The following DLEC1 variants were observed in gnomAD, a reference collection of about 807,000 sequenced individuals.
The protein encoded by DLEC1 is deleted in lung and esophageal cancer protein 1.
In DLEC1, 146 loss-of-function variants were observed where a neutral mutation model predicts 198.1. That is an observed-to-expected ratio of 0.74 (90% CI 0.64 to 0.85). DLEC1 has a LOEUF of 0.85. DLEC1 is among the 40% of genes least tolerant of loss of function. The probability of loss-of-function intolerance (pLI) is 0.00; values close to 1 mark genes in which losing one functional copy is unlikely to be tolerated. For missense variants in DLEC1, 2,233 were observed against 2,220.0 expected (o/e 1.01, Z -0.12); for synonymous variants, 897 against 866.8 (o/e 1.03, Z -0.61).
At position 38,122,820 on chromosome 3, in the gene DLEC1, T is replaced by C. The variant is rs1700560952; in HGVS notation, c.*408T>C. The C allele has an allele frequency of 1.3e-5, 11 of 878,150 alleles. No homozygotes were observed. Among genetic ancestry groups the C allele is most frequent in the South Asian group, 1.8e-5 (1 of 54,174 alleles). The allele number at this position is 878,150 out of a possible 1,614,324, so 54.4% of individuals were successfully genotyped here. A position where few individuals can be genotyped will look rare whatever the true frequency, so the allele number is the denominator to read the frequency against. On this transcript the variant is annotated 3_prime_UTR_variant, in exon 37 of 37. Transcript: ENST00000308059. ...TGGCCTGGGTGACCCAGGCTGCTTT[T>C]ATCTTGCACAGCTAAAGAGGGTCTG... is the stretch of plus-strand genomic sequence containing the variant.
intron 8 of DLEC1, 43 bp downstream of exon 8, chr3:38,085,490 G>A: frequency 2.5e-6 from 4 of 1,607,136 alleles, no homozygotes; most frequent in Non-Finnish European, 3.4e-6. Flanking sequence ...GTTAAGGTTG[G>A]AGAGTCCCCA....
intron 6 of DLEC1, among the ~76,000 whole-genome samples, chr3:38,083,820 G>C (rs777168831): frequency 6.6e-6 from 1 of 150,490 alleles, no homozygotes; most frequent in African/African-American, 2.5e-5. Context: ...TTGGTAGAGA[G>C]AGTCTCTTCA....
At chr3:38,085,475 A>G (rs1444434873) in intron 8 of DLEC1, 28 bp downstream of exon 8, 1 of 1,611,170 alleles carries the variant, frequency 6.2e-7, no homozygotes. Flanking sequence ...CTTCCCACAG[A>G]TTCAGTTAAG....
rs1699042391 is a variant in DLEC1, at chr3:38,096,724, A to C, written c.2327A>C (p.Lys776Thr). 1 of 1,609,778 alleles carries C rather than the reference A, an allele frequency of 6.2e-7. No individual in the cohort carries two copies. The highest frequency in any genetic ancestry group is 1.7e-5 in the Admixed American group (1 of 59,274). ...GAGAACTACATTGGGATAAATGTGA[A>C]GAAGGCTTTTAAGGTAGGTCATTGT... Reference protein sequence around the residue: ...PGENYIGINVKKAFKMWNNSK... With the variant: ...PGENYIGINVTKAFKMWNNSK... Residue 776 changes from lysine to threonine, a missense_variant, in exon 15 of 37, where the codon AAG (lysine) becomes ACG (threonine). Transcript: ENST00000308059.
intron 7 of DLEC1, 35 bp downstream of exon 7, chr3:38,084,280 TG>T: frequency 1.3e-6 from 2 of 1,574,140 alleles, no homozygotes; most frequent in Non-Finnish European, 1.7e-6. Flanking sequence ...TTAGTAGTAG[TG>T]GTAATAGTAG....
chr3:38,090,505 T>C (rs1383425092), intron 10 of DLEC1, among the ~76,000 whole-genome samples: 2 of 152,230 alleles, frequency 1.3e-5, no homozygotes, highest in Non-Finnish European at 2.9e-5. Flanking sequence ...GAATGGACCA[T>C]AATTTAGTTC....
chr3:38,123,427 A>C lies in DLEC1; in HGVS notation c.*1015A>C. 3.5e-6 allele frequency: 1 copy of C among 286,082 alleles called. No individual in the cohort carries two copies. 17.7% of individuals were successfully genotyped at this position (286,082 alleles called of 1,614,324 possible). A position where few individuals can be genotyped will look rare whatever the true frequency, so the allele number is the denominator to read the frequency against. ...ATCGATCATAATCCCAAAAGACACA[A>C]TCCCAAACACAATCATCCCAAATGT... On this transcript the variant is annotated 3_prime_UTR_variant, in exon 37 of 37. Transcript: ENST00000308059.
intron 2 of DLEC1, among the ~76,000 whole-genome samples, chr3:38,051,579 C>T (rs988224023): frequency 6.6e-6 from 1 of 152,210 alleles, no homozygotes; most frequent in African/African-American, 2.4e-5. Context: ...ATCATTTCCA[C>T]TGTTGAGTTT....
chr3:38,085,238 C>T, intron 7 of DLEC1, 36 bp from the exon 8 acceptor site: 1 of 1,612,464 alleles, frequency 6.2e-7, no homozygotes, highest in East Asian at 2.2e-5. Context: ...GCTGGCTGCT[C>T]CCAGGATCCT....
At chr3:38,080,075 G>A (rs1277749808) in intron 6 of DLEC1, among the ~76,000 whole-genome samples, 1 of 152,194 alleles carries the variant, frequency 6.6e-6, no homozygotes, top group Non-Finnish European at 1.5e-5. Context: ...GAACTGGGCT[G>A]GGTTTTTATA....
Position 38,096,687 on chromosome 3 carries a change from A to C in DLEC1, c.2290A>C (p.Ile764Leu). ...GGTTCTCTTAGAGCCATATGCCCTC[A>C]TCATCCCAGGGGAGAACTACATTGG... is the stretch of plus-strand genomic sequence containing the variant. ...FQVLLEPYAL[I>L]IPGENYIGIN... The change falls in exon 15 of 37, where the codon ATC (isoleucine) becomes CTC (leucine). Residue 764 changes from isoleucine (I) to leucine (L), a missense_variant. Physicochemically the swap from Ile to Leu is conservative, Grantham distance 5. Coordinates refer to ENST00000308059, the MANE Select transcript of DLEC1 (RefSeq NM_007335.4). The C allele has an allele frequency of 6.2e-7, 1 of 1,613,414 alleles. No homozygotes were observed. Among genetic ancestry groups the C allele is most frequent in the Non-Finnish European group, 8.5e-7 (1 of 1,179,914 alleles).
In DLEC1 at chr3:38,122,544, G is replaced by A. The variant is rs1360118602; in HGVS notation, c.*132G>A. 6.2e-7 allele frequency: 1 copy of A among 1,610,376 alleles called. No individual in the cohort carries two copies. The highest frequency in any genetic ancestry group is 1.1e-5 in the South Asian group (1 of 90,144). On this transcript the variant is annotated 3_prime_UTR_variant, in exon 37 of 37. Transcript: ENST00000308059. ...CCTCTGGGCAGCTCCTGGAATGGAA[G>A]AACCCCCTTCCACAATGGTCTCAGC... is the stretch of plus-strand genomic sequence containing the variant.
At chr3:38,102,676 G>A (rs946559344) in intron 19 of DLEC1, among the ~76,000 whole-genome samples, 14 of 152,084 alleles carry the variant, frequency 9.2e-5, no homozygotes, top group Middle Eastern at 3.2e-3. Flanking sequence ...AAGGGATGAA[G>A]TACATGTGAG....
intron 6 of DLEC1, among the ~76,000 whole-genome samples, chr3:38,073,262 T>C (rs760941269): frequency 1.2e-4 from 19 of 152,218 alleles, no homozygotes; most frequent in Non-Finnish European, 5.9e-5. Flanking sequence ...AAGGTGCAGA[T>C]CCTGAACTAA....
At chr3:38,057,673 C>A (rs979433072) in intron 2 of DLEC1, among the ~76,000 whole-genome samples, 1 of 152,128 alleles carries the variant, frequency 6.6e-6, no homozygotes, top group African/African-American at 2.4e-5. Flanking sequence ...TATAAACGTG[C>A]ATGGGGATGA....
intron 6 of DLEC1, among the ~76,000 whole-genome samples, chr3:38,068,104 A>G (rs970077025): frequency 6.6e-6 from 1 of 152,238 alleles, no homozygotes; most frequent in South Asian, 2.1e-4. Flanking sequence ...AGGAGATTGC[A>G]TCACATTTTA....
chr3:38,112,589 C>T lies in DLEC1; in HGVS notation c.3666+228C>T, dbSNP rs1232092183. On this transcript the variant is annotated intron_variant, in intron 25 of 36. Transcript: ENST00000308059. The surrounding 1 kb of genome is among the most constrained non-coding windows in gnomAD (Gnocchi z 4.8). ...TCCTCATAAGCAGTAGAACTTTCCA[C>T]ACCTTTTCCCAGGAGATGCAGGGCT... 2.0e-5 allele frequency among the ~76,000 whole-genome samples: 3 copies of T among 152,194 alleles called. No homozygotes were observed. The highest frequency in any genetic ancestry group is 2.9e-5 in the Non-Finnish European group (2 of 68,044).
At chr3:38,064,745 G>A (rs1315328116) in intron 6 of DLEC1, among the ~76,000 whole-genome samples, 6 of 151,686 alleles carry the variant, frequency 4.0e-5, no homozygotes, top group Non-Finnish European at 7.4e-5. Context: ...CAGACGGGGC[G>A]GCGGGGCAGA....
chr3:38,122,414 G>A lies in DLEC1; in HGVS notation c.*2G>A. On this transcript the variant is annotated 3_prime_UTR_variant, in exon 37 of 37. Coordinates refer to ENST00000308059, the MANE Select transcript of DLEC1 (RefSeq NM_007335.4). ...TACATGTTGCCTCACCAGCCCTGAG[G>A]CTCCGCCCCAGCCCTCAGCCCCAGG... is the stretch of plus-strand genomic sequence containing the variant. The A allele has an allele frequency of 6.2e-7, 1 of 1,614,110 alleles. No homozygotes were observed. The highest frequency in any genetic ancestry group is 8.5e-7 in the Non-Finnish European group (1 of 1,179,992).
Sources: allele counts gnomAD v4.1 joint callset (sites outside exome capture counted in the v4.1 genomes callset), GRCh38; gene constraint gnomAD v4.1.1; non-coding constraint Gnocchi (gnomAD v3.1); transcripts MANE v1.5; gene names NCBI Gene and HGNC (gene_info 2026-07-23, HGNC 2026-07-21).